DDC: variants seen among roughly 807,000 people sequenced by gnomAD.
DDC encodes the protein dopa decarboxylase.
In DDC, 43 loss-of-function variants were observed where a neutral mutation model predicts 60.0. The ratio of observed to expected loss-of-function variants is 0.72; its 90% confidence interval spans 0.56 to 0.92. DDC has a LOEUF of 0.92. Among genes scored for constraint, DDC ranks in the 40% least tolerant of loss-of-function variants. The pLI is 0.00. For synonymous variants in DDC, 232 were observed against 234.6 expected, an observed-to-expected ratio of 0.99 and a Z score of 0.10; for missense variants, 573 against 620.2, an observed-to-expected ratio of 0.92 and a Z score of 0.81.
At chr7:50,485,687 T>C (rs1234630212) in intron 9 of DDC, among the ~76,000 whole-genome samples, 2 of 152,218 alleles carry the variant, frequency 1.3e-5, no homozygotes, top group Non-Finnish European at 2.9e-5. Flanking sequence ...CTGTGTTCTA[T>C]TGTGTTAAGG....
chr7:50,536,740 C>A (rs2044425527), intron 4 of DDC, among the ~76,000 whole-genome samples: 1 of 152,210 alleles, frequency 6.6e-6, no homozygotes, highest in African/African-American at 2.4e-5. Context: ...AATTATCAGT[C>A]TTGTTGCTCA....
At chr7:50,490,037 G>C (rs56074624) in intron 9 of DDC, among the ~76,000 whole-genome samples, 11,234 of 152,250 alleles carry the variant, frequency 0.074, 447 homozygotes, top group Middle Eastern at 0.099. Flanking sequence ...AAATCTTTGA[G>C]TTATCGCTTT....
intron 7 of DDC, 71 bp downstream of exon 7, chr7:50,503,922 C>T (rs781171125): frequency 3.3e-5 from 36 of 1,075,272 alleles, no homozygotes; most frequent in African/African-American, 6.2e-5. Context: ...AAGAGATCAA[C>T]GAGGAAGGTT....
At position 50,528,141 on chromosome 7, in the gene DDC, A is replaced by G. The variant is rs755511614; in HGVS notation, c.710T>C (p.Phe237Ser). The change falls in exon 6 of 15, where the codon TTC becomes TCC. Residue 237 changes from phenylalanine (F) to serine (S), a missense_variant. Physicochemically the swap from Phe to Ser is radical, Grantham distance 155 (BLOSUM62 -2). Coordinates refer to ENST00000444124, the MANE Select transcript of DDC (RefSeq NM_001082971.2). ...CACAAGTGCTGCCGAACTTACAAAG[A>G]AAGGAATCAGGCCAGCCGCTTTGTC... ...ERDKAAGLIP[F>S]FMVATLGTTT... 7.4e-6 allele frequency: 12 copies of G among 1,612,596 alleles called. No homozygotes were observed. Among genetic ancestry groups the G allele is most frequent in the Non-Finnish European group, 8.5e-6 (10 of 1,179,928 alleles).
At chr7:50,549,016 G>A (rs930076857) in intron 1 of DDC, among the ~76,000 whole-genome samples, 4 of 152,202 alleles carry the variant, frequency 2.6e-5, no homozygotes, top group Non-Finnish European at 5.9e-5. Flanking sequence ...ACAAAGCCTG[G>A]ATGACAGCAC....
At chr7:50,468,931 ATTTTTTTTT>A (rs36005269) in intron 12 of DDC, among the ~76,000 whole-genome samples, 2 of 86,168 alleles carry the variant, frequency 2.3e-5, no homozygotes, top group Non-Finnish European at 4.6e-5. Context: ...CAGTTTCCTC[ATTTTTTTTT>A]TTTTTTTTTT....
intron 6 of DDC, among the ~76,000 whole-genome samples, chr7:50,510,125 C>T (rs541169261): frequency 3.3e-5 from 5 of 152,120 alleles, no homozygotes; most frequent in African/African-American, 1.2e-4. Context: ...GTGACTGCCA[C>T]CATGCCCGGC....
rs886493583 is a variant in DDC at position 50,458,779 on chromosome 7, G to T, written c.*83C>A. 15 of 152,082 alleles carry T rather than the reference G, an allele frequency of 9.9e-5. No individual in the cohort carries two copies. The highest frequency in any genetic ancestry group is 3.6e-4 in the African/African-American group (15 of 41,426). The allele number at this position is 152,082 out of a possible 1,614,324, so 9.4% of individuals were successfully genotyped here. A position where few individuals can be genotyped will look rare whatever the true frequency, so the allele number is the denominator to read the frequency against. Reference sequence around the variant, plus strand: ...CCACAGACAGCTGAGTTCCATGAAGGCAGGATGATATTTATTTGCTTCTTA... The same window carrying T: ...CCACAGACAGCTGAGTTCCATGAAGTCAGGATGATATTTATTTGCTTCTTA... On this transcript the variant is annotated 3_prime_UTR_variant, in exon 15 of 15. Transcript: ENST00000444124.
intron 13 of DDC, among the ~76,000 whole-genome samples, chr7:50,466,159 G>A (rs2042390766): frequency 6.6e-6 from 1 of 152,160 alleles, no homozygotes; most frequent in Non-Finnish European, 1.5e-5. Context: ...ATTTGAACAA[G>A]GAAGCCTCCT....
chr7:50,509,741 G>A (rs1254277065), intron 6 of DDC, among the ~76,000 whole-genome samples: 3 of 152,122 alleles, frequency 2.0e-5, no homozygotes, highest in African/African-American at 7.2e-5. Flanking sequence ...ATTTCTTTCA[G>A]TAGAAGTCAC....
intron 4 of DDC, among the ~76,000 whole-genome samples, chr7:50,532,315 C>T (rs549292813): frequency 1.6e-4 from 24 of 152,228 alleles, no homozygotes; most frequent in African/African-American, 3.1e-4. Context: ...TGTGTTAAAG[C>T]GGGGGCTGAG....
At chr7:50,553,993 C>A (rs2045098574) in intron 1 of DDC, among the ~76,000 whole-genome samples, 1 of 152,156 alleles carries the variant, frequency 6.6e-6, no homozygotes, top group South Asian at 2.1e-4. Flanking sequence ...ACACAACAGG[C>A]CACTAAGAAG....
intron 12 of DDC, among the ~76,000 whole-genome samples, chr7:50,469,265 A>ATTT (rs1398379699): frequency 6.6e-6 from 1 of 150,918 alleles, no homozygotes; most frequent in Non-Finnish European, 1.5e-5. Context: ...TAAAAAAAAA[A>ATTT]AAAAAAAAAA....
intron 4 of DDC, among the ~76,000 whole-genome samples, chr7:50,535,366 C>G (rs2044368625): frequency 6.6e-6 from 1 of 152,170 alleles, no homozygotes; most frequent in African/African-American, 2.4e-5. Flanking sequence ...AGGCTGGTCT[C>G]AGACTCCTGA....
chr7:50,500,212 T>C (rs1181810188), intron 7 of DDC, among the ~76,000 whole-genome samples: 4 of 152,048 alleles, frequency 2.6e-5, no homozygotes, highest in South Asian at 4.2e-4. Context: ...TATGCATTTG[T>C]AGGGATCCAT....
At chr7:50,510,717 C>CA (rs1274614542) in intron 6 of DDC, among the ~76,000 whole-genome samples, 1 of 146,354 alleles carries the variant, frequency 6.8e-6, no homozygotes, top group African/African-American at 2.5e-5. Context: ...CACGGTGGCT[C>CA]ACGCCTGTAA....
chr7:50,466,346 G>A (rs1027074433), intron 13 of DDC, among the ~76,000 whole-genome samples: 2 of 151,990 alleles, frequency 1.3e-5, no homozygotes, highest in South Asian at 2.1e-4. Flanking sequence ...TTAGCTGGGC[G>A]TGGTGGCGCA....
chr7:50,528,773 G>A (rs11575340), intron 5 of DDC, among the ~76,000 whole-genome samples: 4 of 152,046 alleles, frequency 2.6e-5, no homozygotes, highest in African/African-American at 9.7e-5. Flanking sequence ...TCTCAGGAAA[G>A]GCAATTCTCA....
At chr7:50,463,933 C>T (rs1268584650) in intron 13 of DDC, among the ~76,000 whole-genome samples, 2 of 152,158 alleles carry the variant, frequency 1.3e-5, no homozygotes, top group South Asian at 4.1e-4. Flanking sequence ...AAGCACGGCC[C>T]ACCAGCCTGG....
Sources: gnomAD v4.1 joint callset for allele counts (sites outside exome capture counted in the v4.1 genomes callset) on GRCh38, gnomAD v4.1.1 for gene constraint, MANE v1.5 for transcripts, NCBI Gene and HGNC (gene_info 2026-07-23, HGNC 2026-07-21) for gene names.